The following FES variants were observed in gnomAD, a reference collection of about 807,000 sequenced individuals.
FES encodes tyrosine-protein kinase Fes/Fps.
Under a neutral mutation model 109.6 loss-of-function variants are expected in FES, and 83 were observed. The ratio of observed to expected loss-of-function variants is 0.76; its 90% CI spans 0.63 to 0.91. The LOEUF (loss-of-function observed/expected upper bound fraction) is 0.91, where lower values mean the gene tolerates loss of function less well. Among genes scored for constraint, FES ranks in the 40% least tolerant of loss-of-function variants. The pLI, the probability that FES is intolerant of heterozygous loss-of-function variation, is 0.00. For missense variants in FES, 943 were observed against 1,070.9 expected (o/e 0.88, Z 1.67); for synonymous variants, 458 against 442.1 (o/e 1.04, Z -0.45).
intron 5 of FES, 132 bp downstream of exon 5, chr15:90,887,502 C>A: frequency 1.0e-6 from 1 of 962,484 alleles, no homozygotes; most frequent in Non-Finnish European, 1.5e-6. Context: ...AGAACGGGAC[C>A]TGGGCCAAGG....
chr15:90,891,237 T>A, intron 11 of FES, 46 bp downstream of exon 11: 1 of 1,534,680 alleles, frequency 6.5e-7, no homozygotes. Context: ...ACTCTTCCCC[T>A]CCCTTCCCTT....
rs2521503 is a variant in FES at position 90,889,846 on chromosome 15, C to G, written c.933C>G (p.Thr311=). Residue 311 remains threonine, a synonymous_variant, in exon 8 of 19, where the codon ACC becomes ACG. Transcript: ENST00000328850. This position sits in a 1 kb window ranked among gnomAD's most constrained non-coding sequence, Gnocchi z 6.1. ...LTVESVQHTL[T]SVTDELAVAT... ...GCCCTTCTCTTGGGTGCAGGCTGAC[C>G]TCAGTGACAGATGAGCTGGCTGTGG... 2 of 1,613,500 alleles carry G rather than the reference C, an allele frequency of 1.2e-6. No homozygotes were observed. The highest frequency in any genetic ancestry group is 2.7e-5 in the African/African-American group (2 of 74,798).
chr15:90,887,127 G>T, intron 4 of FES, 60 bp from the exon 5 acceptor site: 1 of 1,612,326 alleles, frequency 6.2e-7, no homozygotes, highest in South Asian at 1.1e-5. Context: ...GGTACCCAGA[G>T]AGTGGGGGCT....
chr15:90,891,943 TGGTCCCACCCCTG>T, intron 12 of FES, 102 bp from the exon 13 acceptor site: 2 of 1,183,700 alleles, frequency 1.7e-6, no homozygotes, highest in South Asian at 1.4e-5. Context: ...GCTCCCCACG[TGGTCCCACCCCTG>T]GTCACATATG....
chr15:90,893,466 A>G, intron 16 of FES, 52 bp downstream of exon 16: 1 of 1,513,686 alleles, frequency 6.6e-7, no homozygotes, highest in Non-Finnish European at 8.8e-7. Flanking sequence ...CAGAGTCAAG[A>G]GGTACCTATA....
At position 90,893,758 on chromosome 15, in the gene FES, G is replaced by T. The variant is rs576653151; in HGVS notation, c.2150G>T (p.Gly717Val). The change falls in exon 17 of 19, where the codon GGG (glycine) becomes GTG (valine). Residue 717 changes from glycine to valine, a missense_variant. Gly to Val is a moderately radical substitution (Grantham distance 109). Transcript: ENST00000328850. ...GCCGATGGGGTCTATGCAGCCTCAG[G>T]GGGCCTCAGACAAGTCCCCGTGAAG... ...EEADGVYAAS[G>V]GLRQVPVKWT... is the part of the protein sequence containing the mutation. 6.2e-7 allele frequency: 1 copy of T among 1,609,488 alleles called. No individual in the cohort carries two copies. The highest frequency in any genetic ancestry group is 1.3e-5 in the African/African-American group (1 of 74,830).
In FES at chr15:90,892,055, C is replaced by T. The variant is rs774314212; in HGVS notation, c.1654-3C>T. ...CTGATCCCCTGTCTCCTCTCTTCCC[C>T]AGGACAAGTGGGTGCTGAACCATGA... On this transcript the variant is annotated splice_region_variant and splice_polypyrimidine_tract_variant and intron_variant, in intron 12 of 18. Coordinates refer to ENST00000328850, the MANE Select transcript of FES (RefSeq NM_002005.4). 5 of 1,614,146 alleles carry T rather than the reference C, an allele frequency of 3.1e-6. No homozygotes were observed. The South Asian group carries it at 5.5e-5, about 18-fold the overall frequency.
chr15:90,892,286 C>G (rs11638635), intron 13 of FES, 175 bp downstream of exon 13: 288,813 of 685,998 alleles, frequency 0.42, 67,172 homozygotes, highest in East Asian at 0.8. Flanking sequence ...CAGTACCTAC[C>G]CTGAAAACTC....
In FES at chr15:90,895,450, T is replaced by A. The variant is rs780592048; in HGVS notation, c.2361T>A (p.Asp787Glu). ...GRLPCPELCP[D>E]AVFRLMEQCW... ...TGCCCTGCCCAGAGCTGTGTCCTGA[T>A]GCCGTGTTCAGGCTCATGGAGCAGT... The change falls in exon 19 of 19, where the codon GAT becomes GAA. Residue 787 changes from aspartate (D) to glutamate (E), a missense_variant. Physicochemically the swap from Asp to Glu is conservative, Grantham distance 45. Coordinates refer to ENST00000328850, the MANE Select transcript of FES (RefSeq NM_002005.4). The A allele has an allele frequency of 1.3e-6, 2 of 1,585,394 alleles. No individual in the cohort carries two copies. Among genetic ancestry groups the A allele is most frequent in the South Asian group, 2.3e-5 (2 of 87,860 alleles).
In FES at chr15:90,892,740, C is replaced by T. The variant is rs1176775010; in HGVS notation, c.1741C>T (p.Arg581Ter). The change falls in exon 14 of 19, where the codon CGA becomes TGA. Residue 581 changes from arginine (R) to a stop codon, truncating the protein, a stop_gained. Coordinates refer to ENST00000328850, the MANE Select transcript of FES (RefSeq NM_002005.4). LOFTEE classifies it high-confidence loss of function. Reference sequence around the variant, plus strand: ...TGGCGAAGTGTTCAGCGGACGCCTGCGAGCCGACAACACCCTGGTGGCGGT... The same window carrying T: ...TGGCGAAGTGTTCAGCGGACGCCTGTGAGCCGACAACACCCTGGTGGCGGT... ...NFGEVFSGRL[R>*]ADNTLVAVKS... The T allele has an allele frequency of 1.1e-5, 18 of 1,612,668 alleles. No homozygotes were observed. The highest frequency in any genetic ancestry group is 1.3e-5 in the African/African-American group (1 of 74,872).
chr15:90,885,036 G>A lies in FES; in HGVS notation c.-9-1G>A. The A allele has an allele frequency of 1.9e-6, 3 of 1,603,356 alleles. No individual in the cohort carries two copies. The highest frequency in any genetic ancestry group is 2.2e-5 in the East Asian group (1 of 44,816). On this transcript the variant is annotated splice_acceptor_variant, in intron 1 of 18. Coordinates refer to ENST00000328850, the MANE Select transcript of FES (RefSeq NM_002005.4). LOFTEE classifies it low-confidence loss of function (5UTR_SPLICE). ...AGGGATGGCCCCTTTTCTGTCCCCAGAACAGCACTATGGGCTTCTCTTCCG... is the reference window on the plus strand; with the variant it reads ...AGGGATGGCCCCTTTTCTGTCCCCAAAACAGCACTATGGGCTTCTCTTCCG...
chr15:90,891,203 T>A lies in FES; in HGVS notation c.1530+12T>A. 1.9e-6 allele frequency: 3 copies of A among 1,550,024 alleles called. No homozygotes were observed. The highest frequency in any genetic ancestry group is 2.6e-6 in the Non-Finnish European group (3 of 1,147,668). ...TCCAGTCCTTGGATGTGAGTGGGGC[T>A]GGGACCCGAGCCTTCCAGGCCTCAC... On this transcript the variant is annotated intron_variant, in intron 11 of 18. Transcript: ENST00000328850.
At chr15:90,891,705 C>T (rs750798448) in intron 12 of FES, 29 bp downstream of exon 12, 1 of 1,612,196 alleles carries the variant, frequency 6.2e-7, no homozygotes, top group Non-Finnish European at 8.5e-7. Context: ...TGGCCCATGC[C>T]ACCTGTGGCA....
intron 2 of FES, 64 bp from the exon 3 acceptor site, chr15:90,885,348 T>A: frequency 6.3e-7 from 1 of 1,596,740 alleles, no homozygotes; most frequent in Non-Finnish European, 8.5e-7. Flanking sequence ...GCTGGAGATC[T>A]GGCAGGCCAA....
At chr15:90,891,980 A>G (rs938927611) in intron 12 of FES, 78 bp from the exon 13 acceptor site, 1 of 1,572,972 alleles carries the variant, frequency 6.4e-7, no homozygotes, top group Admixed American at 1.7e-5. Flanking sequence ...GCGCCAAAAA[A>G]TGGAGGACAC....
intron 3 of FES, among the ~76,000 whole-genome samples, chr15:90,886,467 C>T (rs1004296617): frequency 1.3e-5 from 2 of 152,212 alleles, no homozygotes; most frequent in Non-Finnish European, 2.9e-5. Flanking sequence ...GCTTGCCCAA[C>T]ATATCCCAGC....
chr15:90,891,955 T>G (rs185783165), intron 12 of FES, 103 bp from the exon 13 acceptor site: 2 of 1,294,254 alleles, frequency 1.5e-6, no homozygotes, highest in African/African-American at 2.9e-5. Context: ...GTCCCACCCC[T>G]GGTCACATAT....
chr15:90,889,925 C>G lies in FES; in HGVS notation c.1012C>G (p.Leu338Val). The G allele has an allele frequency of 6.2e-7, 1 of 1,613,548 alleles. No individual in the cohort carries two copies. Among genetic ancestry groups the G allele is most frequent in the Non-Finnish European group, 8.5e-7 (1 of 1,179,934 alleles). ...QEMVTQLQQE[L>V]RNEEENTHPR... is the part of the protein sequence containing the mutation. The stretch of plus-strand genomic sequence containing the variant: ...GATGGTTACGCAGCTGCAACAGGAG[C>G]TCCGGAATGAAGAGGAGAACACCCA... The change falls in exon 8 of 19, where the codon CTC becomes GTC. Residue 338 changes from leucine to valine, a missense_variant. Physicochemically the swap from Leu to Val is conservative, Grantham distance 32. Coordinates refer to ENST00000328850, the MANE Select transcript of FES (RefSeq NM_002005.4). This position sits in a 1 kb window ranked among gnomAD's most constrained non-coding sequence, Gnocchi z 6.1.
intron 16 of FES, 51 bp from the exon 17 acceptor site, chr15:90,893,601 AGG>A (rs1342959690): frequency 6.6e-7 from 1 of 1,524,550 alleles, no homozygotes; most frequent in Non-Finnish European, 8.8e-7. Context: ...GTGTTCAGCC[AGG>A]GCTGGGCAGG....
Sources: gnomAD v4.1 joint callset for allele counts (sites outside exome capture counted in the v4.1 genomes callset) on GRCh38, gnomAD v4.1.1 for gene constraint, Gnocchi (gnomAD v3.1) non-coding constraint, MANE v1.5 for transcripts, NCBI Gene and HGNC (gene_info 2026-07-23, HGNC 2026-07-21) for gene names.